AFF3: variants seen among roughly 807,000 people sequenced by gnomAD.
AFF3 encodes AF4/FMR2 family member 3.
Under a neutral mutation model 129.7 loss-of-function variants are expected in AFF3, and 32 were observed. The ratio of observed to expected loss-of-function variants is 0.25; its 90% CI spans 0.19 to 0.33. AFF3 has a LOEUF of 0.33. Among genes scored for constraint, AFF3 ranks in the 10% least tolerant of loss-of-function variants. AFF3 has a pLI of 1.00. For missense variants in AFF3, 1,373 were observed against 1,592.0 expected, an observed-to-expected ratio of 0.86 and a Z score of 2.34; for synonymous variants, 644 against 635.4, an observed-to-expected ratio of 1.01 and a Z score of -0.20.
intron 2 of AFF3, among the ~76,000 whole-genome samples, chr2:100,125,386 A>G (rs1248718661): frequency 6.6e-6 from 1 of 152,182 alleles, no homozygotes; most frequent in Non-Finnish European, 1.5e-5. Context: ...TGTCTATGTG[A>G]AGGCAAGACC....
chr2:99,839,373 G>A (rs1310837050), intron 7 of AFF3, among the ~76,000 whole-genome samples: 1 of 152,076 alleles, frequency 6.6e-6, no homozygotes, highest in East Asian at 1.9e-4. Context: ...GCCTCCCAAA[G>A]TGCTGGGATT....
At chr2:99,996,732 T>TA (rs889005627) in intron 7 of AFF3, among the ~76,000 whole-genome samples, 5 of 152,058 alleles carry the variant, frequency 3.3e-5, no homozygotes, top group East Asian at 1.9e-4. Flanking sequence ...ACCTGTTACT[T>TA]ACAAATTCTT....
intron 4 of AFF3, among the ~76,000 whole-genome samples, chr2:100,077,736 A>T (rs1203214558): frequency 1.3e-5 from 2 of 152,212 alleles, no homozygotes; most frequent in Non-Finnish European, 2.9e-5. Context: ...ACTACCAAGT[A>T]TCTGTTCCAT....
At chr2:100,033,999 G>C (rs1328250266) in intron 4 of AFF3, among the ~76,000 whole-genome samples, 1 of 152,068 alleles carries the variant, frequency 6.6e-6, no homozygotes, top group African/African-American at 2.4e-5. Flanking sequence ...GAATTATTTT[G>C]ATTTAATTCT....
At chr2:99,858,285 C>A (rs1690674415) in intron 7 of AFF3, among the ~76,000 whole-genome samples, 1 of 151,752 alleles carries the variant, frequency 6.6e-6, no homozygotes, top group Non-Finnish European at 1.5e-5. Flanking sequence ...GTGGCTCATG[C>A]CTGTAATACC....
At chr2:99,872,325 G>A (rs182269422) in intron 7 of AFF3, among the ~76,000 whole-genome samples, 88 of 151,168 alleles carry the variant, frequency 5.8e-4, no homozygotes, top group African/African-American at 2.1e-3. Context: ...TTGCCTCTGA[G>A]TCCAAACCTA....
At chr2:99,956,140 C>A (rs1676624770) in intron 7 of AFF3, among the ~76,000 whole-genome samples, 1 of 148,674 alleles carries the variant, frequency 6.7e-6, no homozygotes, top group Non-Finnish European at 1.5e-5. Flanking sequence ...TTTTTGGCTG[C>A]AAAGATGCTT....
At chr2:99,834,444 T>C (rs1372332945) in intron 8 of AFF3, among the ~76,000 whole-genome samples, 2 of 152,192 alleles carry the variant, frequency 1.3e-5, no homozygotes, top group Admixed American at 6.5e-5. Context: ...CTTCATCACT[T>C]GGTGGTTGTT....
intron 4 of AFF3, among the ~76,000 whole-genome samples, chr2:100,011,236 T>C (rs1682517462): frequency 2.6e-5 from 4 of 152,084 alleles, no homozygotes; most frequent in South Asian, 2.1e-4. Flanking sequence ...ATTGCGCCAC[T>C]GCACTCCAGC....
intron 4 of AFF3, among the ~76,000 whole-genome samples, chr2:100,096,112 C>G (rs1317977560): frequency 2.7e-5 from 4 of 150,068 alleles, no homozygotes; most frequent in African/African-American, 9.8e-5. Flanking sequence ...CTCCCAAAGA[C>G]AGAATGGCTA....
chr2:100,052,675 A>G (rs939385769), intron 4 of AFF3, among the ~76,000 whole-genome samples: 2 of 152,160 alleles, frequency 1.3e-5, no homozygotes, highest in African/African-American at 4.8e-5. Flanking sequence ...TTGTGATTCA[A>G]CTTGGTGGGT....
intron 7 of AFF3, among the ~76,000 whole-genome samples, chr2:99,993,924 G>A (rs930288996): frequency 1.4e-5 from 2 of 144,820 alleles, no homozygotes; most frequent in African/African-American, 5.2e-5. Flanking sequence ...TCCTGCCTCA[G>A]CCTCCTGAGC....
At chr2:99,630,879 G>A in intron 13 of AFF3, 1 of 299,028 alleles carries the variant, frequency 3.3e-6, no homozygotes. Flanking sequence ...TGGTGACACA[G>A]AGCCAAACCA....
chr2:100,002,452 C>T (rs887817223), intron 7 of AFF3, among the ~76,000 whole-genome samples: 1 of 152,160 alleles, frequency 6.6e-6, no homozygotes, highest in African/African-American at 2.4e-5. Flanking sequence ...TTAAAATGCC[C>T]TTCATGAAAA....
chr2:99,705,874 CAAAAAAAAAAAAA>C (rs34186291), intron 11 of AFF3, among the ~76,000 whole-genome samples: 1 of 53,420 alleles, frequency 1.9e-5, no homozygotes, highest in African/African-American at 7.1e-5. Context: ...AACTGCGCCT[CAAAAAAAAAAAAA>C]AAAAAAAAAA....
intron 13 of AFF3, among the ~76,000 whole-genome samples, chr2:99,636,995 A>T (rs1221949142): frequency 6.6e-6 from 1 of 151,946 alleles, no homozygotes; most frequent in African/African-American, 2.4e-5. Flanking sequence ...GGTGTGCTCC[A>T]GCTGGCTCTG....
intron 7 of AFF3, among the ~76,000 whole-genome samples, chr2:99,935,224 G>A (rs1037727365): frequency 2.6e-5 from 4 of 152,162 alleles, no homozygotes; most frequent in African/African-American, 9.7e-5. Context: ...ATTCATGGCG[G>A]GGCAGCTACT....
chr2:99,925,620 ACT>A (rs1345586639), intron 7 of AFF3, among the ~76,000 whole-genome samples: 1 of 152,176 alleles, frequency 6.6e-6, no homozygotes, highest in Non-Finnish European at 1.5e-5. Context: ...AGTATGCTGA[ACT>A]CTCAGCCTTC....
chr2:99,639,711 A>T (rs1265331738), intron 13 of AFF3, among the ~76,000 whole-genome samples: 1 of 148,334 alleles, frequency 6.7e-6, no homozygotes, highest in Non-Finnish European at 1.5e-5. Flanking sequence ...TTTTTGAGAC[A>T]GAATCTCACT....
Sources: allele counts gnomAD v4.1 joint callset (sites outside exome capture counted in the v4.1 genomes callset), GRCh38; gene constraint gnomAD v4.1.1; transcripts MANE v1.5; gene names NCBI Gene and HGNC (gene_info 2026-07-23, HGNC 2026-07-21).